PTK2: variants seen among roughly 807,000 people sequenced by gnomAD.
PTK2 encodes the protein protein tyrosine kinase 2, also known as focal adhesion kinase 1.
Under a neutral mutation model 150.1 loss-of-function variants are expected in PTK2, and 45 were observed. The ratio of observed to expected loss-of-function variants is 0.30; its 90% CI spans 0.24 to 0.38. The LOEUF is 0.38. PTK2 is among the 10% of genes least tolerant of loss of function. The pLI is 1.00. For synonymous variants in PTK2, 432 were observed against 449.2 expected (o/e 0.96, Z 0.48); for missense variants, 919 against 1,307.3 (o/e 0.70, Z 4.58).
chr8:140,923,226 A>G (rs2100168191), intron 2 of PTK2, among the ~76,000 whole-genome samples: 3 of 152,230 alleles, frequency 2.0e-5, no homozygotes, highest in African/African-American at 7.2e-5. Flanking sequence ...CTAAGTAGAG[A>G]CCAGATTGAA....
At chr8:140,954,473 G>T (rs868082453) in intron 1 of PTK2, among the ~76,000 whole-genome samples, 1 of 152,152 alleles carries the variant, frequency 6.6e-6, no homozygotes, top group Non-Finnish European at 1.5e-5. Context: ...GATTCAATTA[G>T]TAATTGTAAC....
At chr8:140,903,179 G>T (rs1388321612) in intron 2 of PTK2, among the ~76,000 whole-genome samples, 1 of 151,936 alleles carries the variant, frequency 6.6e-6, no homozygotes, top group African/African-American at 2.4e-5. Flanking sequence ...AAGGGGTCCA[G>T]TTTCAGTTTT....
chr8:140,698,253 G>T (rs910229207), intron 26 of PTK2, among the ~76,000 whole-genome samples: 1 of 152,122 alleles, frequency 6.6e-6, no homozygotes, highest in African/African-American at 2.4e-5. Context: ...GCAGTCATAC[G>T]TGGGACTGAA....
intron 11 of PTK2, among the ~76,000 whole-genome samples, chr8:140,801,681 T>C (rs974286703): frequency 6.6e-6 from 1 of 152,212 alleles, no homozygotes; most frequent in Non-Finnish European, 1.5e-5. Flanking sequence ...CTGTTATAAT[T>C]ATTATAATCA....
chr8:140,948,306 C>T (rs1036552275), intron 1 of PTK2, among the ~76,000 whole-genome samples: 1 of 152,038 alleles, frequency 6.6e-6, no homozygotes, highest in Non-Finnish European at 1.5e-5. Context: ...CTTGTAGTTG[C>T]AGATAAAATA....
At chr8:140,840,157 C>G (rs2100121456) in intron 7 of PTK2, among the ~76,000 whole-genome samples, 1 of 152,198 alleles carries the variant, frequency 6.6e-6, no homozygotes, top group East Asian at 1.9e-4. Flanking sequence ...AAGCTGGGCT[C>G]AAGCAATCCT....
intron 26 of PTK2, among the ~76,000 whole-genome samples, chr8:140,697,854 T>TTTTTTG (rs2100027744): frequency 1.3e-3 from 12 of 9,410 alleles, no homozygotes; most frequent in Admixed American, 3.3e-3. Flanking sequence ...GGTTTACTGT[T>TTTTTTG]TTTTTTTTTT....
At chr8:140,762,170 C>T (rs1262746037) in intron 15 of PTK2, among the ~76,000 whole-genome samples, 198 bp downstream of exon 18, 1 of 152,084 alleles carries the variant, frequency 6.6e-6, no homozygotes, top group African/African-American at 2.4e-5. Flanking sequence ...ATAAACAACA[C>T]AGAACATTCA....
intron 30 of PTK2, among the ~76,000 whole-genome samples, chr8:140,666,935 C>T (rs768272385): frequency 2.4e-4 from 36 of 152,036 alleles, no homozygotes; most frequent in Non-Finnish European, 3.5e-4. Flanking sequence ...ATCACTCTGC[C>T]CTAAAAAGGA....
chr8:140,776,620 G>A (rs1204691771), intron 14 of PTK2, among the ~76,000 whole-genome samples: 1 of 152,220 alleles, frequency 6.6e-6, no homozygotes, highest in Non-Finnish European at 1.5e-5. Context: ...GGAAAGTAGT[G>A]CCATTTAGTG....
At chr8:140,892,754 C>T in intron 2 of PTK2, 1 of 241,666 alleles carries the variant, frequency 4.1e-6, no homozygotes, top group Non-Finnish European at 8.2e-6. Context: ...AAAGCTAATA[C>T]CCTATATATA....
At chr8:140,956,252 C>G (rs942361100) in intron 1 of PTK2, among the ~76,000 whole-genome samples, 5 of 152,102 alleles carry the variant, frequency 3.3e-5, no homozygotes, top group African/African-American at 1.2e-4. Context: ...ATTTTTTATT[C>G]ACCACAAGGA....
chr8:140,900,777 A>G (rs1472036332), intron 2 of PTK2, among the ~76,000 whole-genome samples: 1 of 152,138 alleles, frequency 6.6e-6, no homozygotes. Flanking sequence ...AAGTTGAAAA[A>G]TATTTCATGT....
At chr8:140,916,533 G>A (rs1188306320) in intron 2 of PTK2, among the ~76,000 whole-genome samples, 1 of 152,152 alleles carries the variant, frequency 6.6e-6, no homozygotes, top group Non-Finnish European at 1.5e-5. Flanking sequence ...TCTACACATA[G>A]ACATTCTATA....
chr8:140,832,915 G>T (rs1277846109), intron 7 of PTK2: 2 of 518,854 alleles, frequency 3.9e-6, no homozygotes, highest in African/African-American at 3.9e-5. Flanking sequence ...TTGGGTGAGG[G>T]AAAGACCAGG....
Position 140,973,767 on chromosome 8 carries a change from G to A in PTK2, c.-122+27358C>T, listed in dbSNP as rs181071549. Among the ~76,000 whole-genome samples, 47 of 152,206 alleles carry A rather than the reference G, an allele frequency of 3.1e-4. No homozygotes were observed. In the South Asian group the frequency reaches 3.5e-3, roughly 11 times the overall value. ...GCCACCTAAACTTTGCCATGACCTAGGCAAAGTAGATTCAAAGCTTTTTTC... is the reference window on the plus strand; with the variant it reads ...GCCACCTAAACTTTGCCATGACCTAAGCAAAGTAGATTCAAAGCTTTTTTC... On this transcript the variant is annotated intron_variant, in intron 1 of 31. Transcript: ENST00000522684.
At chr8:140,661,530 C>A (rs10283164) in intron 31 of PTK2, among the ~76,000 whole-genome samples, 68,457 of 151,950 alleles carry the variant, frequency 0.45, 15,626 homozygotes, top group Non-Finnish European at 0.49. Context: ...GAGCTCAGGG[C>A]GGGGTTCTAT....
At chr8:140,670,412 G>C (rs1053836045) in intron 29 of PTK2, 1 of 131,662 alleles carries the variant, frequency 7.6e-6, no homozygotes, top group Non-Finnish European at 1.6e-5. Context: ...AGCTGAGATT[G>C]TGCCACTGTA....
At chr8:140,931,790 G>C (rs1416026596) in intron 1 of PTK2, among the ~76,000 whole-genome samples, 1 of 151,830 alleles carries the variant, frequency 6.6e-6, no homozygotes, top group Admixed American at 6.6e-5. Context: ...TTTTAAAATA[G>C]CTGGTTGTGG....
Sources: allele counts gnomAD v4.1 joint callset (sites outside exome capture counted in the v4.1 genomes callset), GRCh38; gene constraint gnomAD v4.1.1; transcripts MANE v1.5; gene names NCBI Gene and HGNC (gene_info 2026-07-23, HGNC 2026-07-21).